The following HSD17B4 variants were observed in gnomAD, a reference collection of about 807,000 sequenced individuals.
HSD17B4 encodes the protein hydroxysteroid 17-beta dehydrogenase 4.
Under a neutral mutation model 101.0 loss-of-function variants are expected in HSD17B4, and 70 were observed. The observed-to-expected ratio is 0.69, with a 90% CI of 0.57 to 0.85. The LOEUF (loss-of-function observed/expected upper bound fraction) is 0.85. Among genes scored for constraint, HSD17B4 ranks in the 40% least tolerant of loss-of-function variants. The pLI, the probability that HSD17B4 is intolerant of heterozygous loss-of-function variation, is 0.00. For synonymous variants in HSD17B4, 347 were observed against 297.1 expected (o/e 1.17, Z -1.73); for missense variants, 984 against 892.4 (o/e 1.10, Z -1.31).
intron 2 of HSD17B4, among the ~76,000 whole-genome samples, chr5:119,471,941 T>C (rs941215304): frequency 1.3e-5 from 2 of 152,192 alleles, no homozygotes; most frequent in Non-Finnish European, 2.9e-5. Context: ...GCAAACACCA[T>C]TCTTATACAT....
chr5:119,525,842 G>T, intron 18 of HSD17B4, 75 bp from the exon 19 acceptor site: 1 of 844,144 alleles, frequency 1.2e-6, no homozygotes, highest in Non-Finnish European at 2.1e-6. Context: ...CATTTTTAAA[G>T]TCCTGAATTA....
At chr5:119,455,428 A>AATCAC (rs2126605565) in intron 1 of HSD17B4, among the ~76,000 whole-genome samples, 2 of 152,112 alleles carry the variant, frequency 1.3e-5, no homozygotes, top group East Asian at 3.8e-4. Context: ...GAGGCAGGAC[A>AATCAC]ATCACCTGAA....
Position 119,496,621 on chromosome 5 carries a change from C to T in HSD17B4, c.947C>T (p.Ala316Val). Residue 316 changes from alanine (A) to valine (V), a missense_variant, in exon 12 of 24, where the codon GCA becomes GTA. By Grantham distance (64) the Ala-to-Val change is moderately conservative (BLOSUM62 0). Coordinates refer to ENST00000510025, the MANE Select transcript of HSD17B4 (RefSeq NM_000414.4). ...GGVSANHTSRATSTATSGFAG... is the reference protein window; with the variant it reads ...GGVSANHTSRVTSTATSGFAG... ...GTTTCAGCAAATCATACTAGTCGTG[C>T]AACGTCTACAGCAACATCAGGATTT... is the stretch of plus-strand genomic sequence containing the variant. 3.1e-6 allele frequency: 5 copies of T among 1,597,958 alleles called. No individual in the cohort carries two copies. Among genetic ancestry groups the T allele is most frequent in the South Asian group, 1.1e-5 (1 of 90,780 alleles).
chr5:119,507,886 A>G (rs1231595893), intron 15 of HSD17B4, among the ~76,000 whole-genome samples: 1 of 152,124 alleles, frequency 6.6e-6, no homozygotes, highest in Non-Finnish European at 1.5e-5. Flanking sequence ...ACAAAAAAGT[A>G]GATATTTGTT....
intron 22 of HSD17B4, among the ~76,000 whole-genome samples, chr5:119,534,376 AC>A (rs60699251): frequency 0.13 from 20,378 of 152,050 alleles, 2,160 homozygotes; most frequent in African/African-American, 0.29. Flanking sequence ...TCCATTATGT[AC>A]TATATATGTA....
intron 23 of HSD17B4, among the ~76,000 whole-genome samples, chr5:119,539,521 C>T (rs758523549): frequency 2.1e-4 from 32 of 151,864 alleles, no homozygotes; most frequent in Admixed American, 5.3e-4. Context: ...CAACATGGCA[C>T]ATGTATACAT....
At chr5:119,522,476 T>C (rs1753206753) in intron 17 of HSD17B4, among the ~76,000 whole-genome samples, 1 of 152,194 alleles carries the variant, frequency 6.6e-6, no homozygotes, top group African/African-American at 2.4e-5. Context: ...GGTCAAATGG[T>C]ATTGCTAGTT....
chr5:119,495,314 A>G (rs1177752358), intron 11 of HSD17B4, among the ~76,000 whole-genome samples: 2 of 152,240 alleles, frequency 1.3e-5, no homozygotes, highest in Non-Finnish European at 2.9e-5. Flanking sequence ...TTAAAAAGCT[A>G]TCTAATTGAA....
At chr5:119,491,542 G>A (rs965314074) in intron 9 of HSD17B4, among the ~76,000 whole-genome samples, 4 of 150,462 alleles carry the variant, frequency 2.7e-5, no homozygotes, top group East Asian at 1.9e-4. Context: ...TTTCTGGGTA[G>A]CAGTTATTAT....
chr5:119,536,584 T>A, intron 23 of HSD17B4, 34 bp downstream of exon 23: 11 of 1,606,888 alleles, frequency 6.8e-6, no homozygotes, highest in Non-Finnish European at 9.4e-6. Context: ...ATTCATTGTT[T>A]TATTGTTTCC....
At chr5:119,487,736 A>G (rs1749734870) in intron 8 of HSD17B4, among the ~76,000 whole-genome samples, 1 of 152,186 alleles carries the variant, frequency 6.6e-6, no homozygotes, top group Non-Finnish European at 1.5e-5. Context: ...GCCAACTCAA[A>G]TATCCAAATC....
At chr5:119,503,271 G>C (rs527677803) in intron 14 of HSD17B4, among the ~76,000 whole-genome samples, 1 of 152,150 alleles carries the variant, frequency 6.6e-6, no homozygotes, top group Non-Finnish European at 1.5e-5. Flanking sequence ...TGCCGTTAGG[G>C]ATTTTAAAAT....
rs112220375 is a variant in HSD17B4, at chr5:119,513,095, A to C, written c.1438-1886A>C. 6.9e-3 allele frequency among the ~76,000 whole-genome samples: 1,052 copies of C among 152,320 alleles called. 8 individuals carry two copies. Among genetic ancestry groups the C allele is most frequent in the Non-Finnish European group, 0.012 (847 of 68,028 alleles). On this transcript the variant is annotated intron_variant, in intron 16 of 23. Transcript: ENST00000510025. Reference sequence around the variant, plus strand: ...CTCACTTATTGCTTGGATGTGAAAAAATTACCTTGACAGGTATTAAATGGG... The same window carrying C: ...CTCACTTATTGCTTGGATGTGAAAACATTACCTTGACAGGTATTAAATGGG...
At chr5:119,514,104 T>C (rs2126831451) in intron 16 of HSD17B4, among the ~76,000 whole-genome samples, 1 of 152,272 alleles carries the variant, frequency 6.6e-6, no homozygotes, top group South Asian at 2.1e-4. Context: ...CAAAATACAC[T>C]GGATGCAACT....
chr5:119,460,576 A>G (rs1042606468), intron 2 of HSD17B4, among the ~76,000 whole-genome samples: 1 of 152,236 alleles, frequency 6.6e-6, no homozygotes, highest in Non-Finnish European at 1.5e-5. Flanking sequence ...CAGTTTTAAA[A>G]AAAGTAATAA....
At chr5:119,519,618 G>T (rs947746977) in intron 17 of HSD17B4, among the ~76,000 whole-genome samples, 3 of 152,160 alleles carry the variant, frequency 2.0e-5, no homozygotes, top group Non-Finnish European at 4.4e-5. Flanking sequence ...CTGCTGATCA[G>T]CCCATGTTTT....
At chr5:119,504,691 A>T (rs1253888634) in intron 14 of HSD17B4, among the ~76,000 whole-genome samples, 1 of 152,138 alleles carries the variant, frequency 6.6e-6, no homozygotes, top group East Asian at 1.9e-4. Context: ...TCTATTGGAT[A>T]CATAGTGTGA....
At chr5:119,516,514 G>A (rs986801230) in intron 17 of HSD17B4, among the ~76,000 whole-genome samples, 3 of 152,012 alleles carry the variant, frequency 2.0e-5, no homozygotes, top group South Asian at 2.1e-4. Flanking sequence ...ATTTTGCTGC[G>A]TGACAAAAGA....
chr5:119,515,821 G>C (rs968793925), intron 17 of HSD17B4, among the ~76,000 whole-genome samples: 2 of 152,040 alleles, frequency 1.3e-5, no homozygotes, highest in Non-Finnish European at 2.9e-5. Flanking sequence ...AAAAATTTTT[G>C]GTTGTATTTT....
Sources: gnomAD v4.1 joint callset for allele counts (sites outside exome capture counted in the v4.1 genomes callset) on GRCh38, gnomAD v4.1.1 for gene constraint, MANE v1.5 for transcripts, NCBI Gene and HGNC (gene_info 2026-07-23, HGNC 2026-07-21) for gene names.